Variants in IRF7 observed in about 807,000 individuals in gnomAD.
The protein encoded by IRF7 is interferon regulatory factor 7.
IRF7 carries 67 observed loss-of-function variants against 51.3 expected under a neutral mutation model. The ratio of observed to expected loss-of-function variants is 1.31; its 90% CI spans 1.07 to 1.60. The LOEUF (loss-of-function observed/expected upper bound fraction) is 1.60, where lower values mean the gene tolerates loss of function less well. IRF7 is among the 40% of genes most tolerant of loss of function. The probability of loss-of-function intolerance (pLI) is 0.00; values close to 1 mark genes in which losing one functional copy is unlikely to be tolerated. For synonymous variants in IRF7, 427 were observed against 301.3 expected, an observed-to-expected ratio of 1.42 and a Z score of -4.32; for missense variants, 873 against 701.5, an observed-to-expected ratio of 1.24 and a Z score of -2.76.
chr11:613,563 T>C lies in IRF7; in HGVS notation c.880A>G (p.Met294Val), dbSNP rs1388076363. 18 of 1,577,010 alleles carry C rather than the reference T, an allele frequency of 1.1e-5. No individual in the cohort carries two copies. The highest frequency in any genetic ancestry group is 1.5e-5 in the Non-Finnish European group (17 of 1,163,918). The change falls in exon 9 of 11, where the codon ATG (methionine) becomes GTG (valine). Residue 294 changes from methionine to valine, a missense_variant. Coordinates refer to ENST00000525445, the MANE Select transcript of IRF7 (RefSeq NM_001572.5). Reference protein sequence around the residue: ...PSPGALDVTIMYKGRTVLQKV... With the variant: ...PSPGALDVTIVYKGRTVLQKV... ...TGCAGCACCGTGCGGCCCTTGTACA[T>C]GATGGTCACGTCCAGCGCCCCTGGG...
chr11:615,127 G>C lies in IRF7; in HGVS notation c.153C>G (p.Asp51Glu). ...AGATGCGCGCGTCGGCCTCGCTCAG[G>C]TCCTTGCGCGCGAAGTGCTTCCAGG... Reference protein sequence around the residue: ...RVPWKHFARKDLSEADARIFK... With the variant: ...RVPWKHFARKELSEADARIFK... Residue 51 changes from aspartate (D) to glutamate (E), a missense_variant, in exon 3 of 11, where the codon GAC (aspartate) becomes GAG (glutamate). By Grantham distance (45) the Asp-to-Glu change is conservative. Coordinates refer to ENST00000525445, the MANE Select transcript of IRF7 (RefSeq NM_001572.5). 1 of 1,600,864 alleles carries C rather than the reference G, an allele frequency of 6.2e-7. No individual in the cohort carries two copies.
chr11:613,975 G>C lies in IRF7; in HGVS notation c.742C>G (p.Pro248Ala). The C allele has an allele frequency of 6.2e-7, 1 of 1,606,682 alleles. No homozygotes were observed. Among genetic ancestry groups the C allele is most frequent in the African/African-American group, 1.3e-5 (1 of 74,636 alleles). The change falls in exon 7 of 11, where the codon CCC (proline) becomes GCC (alanine). Residue 248 changes from proline (P) to alanine (A), a missense_variant. Coordinates refer to ENST00000525445, the MANE Select transcript of IRF7 (RefSeq NM_001572.5). ...WAVETTPSPGPQPAALTTGEA... is the reference protein window; with the variant it reads ...WAVETTPSPGAQPAALTTGEA... Reference sequence around the variant, plus strand: ...CCTGTCGTTAGTGCCGCGGGCTGGGGCCCGGGGCTGGGGGTCGTCTCTACT... The same window carrying C: ...CCTGTCGTTAGTGCCGCGGGCTGGGCCCCGGGGCTGGGGGTCGTCTCTACT...
At position 612,676 on chromosome 11, in the gene IRF7, C is replaced by A; in HGVS notation, c.1481G>T (p.Cys494Phe). Residue 494 changes from cysteine (C) to phenylalanine (F), a missense_variant, in exon 11 of 11, where the codon TGC (cysteine) becomes TTC (phenylalanine). Cys to Phe is a radical substitution (Grantham distance 205, BLOSUM62 -2). Transcript: ENST00000525445. ...GGGCTGCTCCAGCTCCATAAGGAAG[C>A]ACTCGATGTCGTCATAGAGGCTGTT... ...SANSLYDDIE[C>F]FLMELEQPA 1 of 1,613,254 alleles carries A rather than the reference C, an allele frequency of 6.2e-7. No homozygotes were observed. Among genetic ancestry groups the A allele is most frequent in the Non-Finnish European group, 8.5e-7 (1 of 1,180,006 alleles).
At chr11:612,846 TCCCCTC>T (rs752772783) in intron 10 of IRF7, 46 bp from the exon 11 acceptor site, 3 of 1,592,686 alleles carry the variant, frequency 1.9e-6, no homozygotes, top group Non-Finnish European at 2.6e-6. Context: ...GCGTGTGTCC[TCCCCTC>T]CCCCTCCCCA....
rs1226109716 is a variant in IRF7 at position 613,572 on chromosome 11, C to T, written c.871G>A (p.Val291Met). 2 of 1,572,180 alleles carry T rather than the reference C, an allele frequency of 1.3e-6. No individual in the cohort carries two copies. Among genetic ancestry groups the T allele is most frequent in the Non-Finnish European group, 8.6e-7 (1 of 1,162,026 alleles). ...GTGCGGCCCTTGTACATGATGGTCA[C>T]GTCCAGCGCCCCTGGGCTGGGCTCT... is the stretch of plus-strand genomic sequence containing the variant. ...VQEPSPGALD[V>M]TIMYKGRTVL... The change falls in exon 9 of 11, where the codon GTG becomes ATG. Residue 291 changes from valine (V) to methionine (M), a missense_variant. Coordinates refer to ENST00000525445, the MANE Select transcript of IRF7 (RefSeq NM_001572.5).
rs140667782 is a variant in IRF7 at position 614,524 on chromosome 11, G to A, written c.405C>T (p.Gly135=). Residue 135 remains glycine (G), a synonymous_variant, in exon 5 of 11, where the codon GGC becomes GGT. Transcript: ENST00000525445. The stretch of plus-strand genomic sequence containing the variant: ...GGGCCTCTGCCTCAGTCTGGTCCGT[G>A]CCTGGGCCTTCTGAGAGAGAATGGG... ...SRELCWREGP[G]TDQTEAEAPA... is the part of the protein sequence containing the mutation. The A allele has an allele frequency of 3.5e-5, 54 of 1,554,466 alleles. No homozygotes were observed. The highest frequency in any genetic ancestry group is 2.3e-4 in the African/African-American group (17 of 73,330).
intron 4 of IRF7, 92 bp downstream of exon 4, chr11:614,705 C>G (rs1856716303): frequency 1.4e-6 from 2 of 1,436,088 alleles, no homozygotes; most frequent in African/African-American, 2.8e-5. Flanking sequence ...TCTCCCAGAA[C>G]AGCTTCTAAA....
rs947676319 is a variant in IRF7, at chr11:615,652, G to A, written c.-283-5C>T. ...CGGGAAGGCGCAGGCCGGACCCTGCGGAGACGGGAAAGGCGACGTCAGGGG... is the reference window on the plus strand; with the variant it reads ...CGGGAAGGCGCAGGCCGGACCCTGCAGAGACGGGAAAGGCGACGTCAGGGG... On this transcript the variant is annotated splice_region_variant and splice_polypyrimidine_tract_variant and intron_variant, in intron 1 of 10. Coordinates refer to ENST00000525445, the MANE Select transcript of IRF7 (RefSeq NM_001572.5). 1.7e-5 allele frequency: 7 copies of A among 402,640 alleles called. No individual in the cohort carries two copies. The East Asian group carries it at 1.8e-4, about 10-fold the overall frequency. The allele number at this position is 402,640 out of a possible 1,614,324, so 24.9% of individuals were successfully genotyped here.
intron 4 of IRF7, 109 bp downstream of exon 4, chr11:614,688 G>A: frequency 1.4e-6 from 2 of 1,396,280 alleles, no homozygotes; most frequent in South Asian, 1.4e-5. Context: ...TGGGCCTGCT[G>A]GCAGCCTCTC....
chr11:613,519 C>T lies in IRF7; in HGVS notation c.924G>A (p.Pro308=). The change falls in exon 9 of 11, where the codon CCG becomes CCA. Residue 308 remains proline, a synonymous_variant. Transcript: ENST00000525445. ...RTVLQKVVGH[P]SCTFLYGPPD... ...GGGGGCCGTATAGGAACGTGCAGCTCGGGTGTCCCACCACCTTCTGCAGCA... is the reference window on the plus strand; with the variant it reads ...GGGGGCCGTATAGGAACGTGCAGCTTGGGTGTCCCACCACCTTCTGCAGCA... 2.6e-6 allele frequency: 4 copies of T among 1,563,100 alleles called. No individual in the cohort carries two copies. The highest frequency in any genetic ancestry group is 2.6e-6 in the Non-Finnish European group (3 of 1,156,894).
At chr11:612,924 G>C (rs535695919) in intron 10 of IRF7, 75 bp downstream of exon 10, 2 of 1,581,386 alleles carry the variant, frequency 1.3e-6, no homozygotes, top group African/African-American at 2.7e-5. Context: ...CCCCCTCTCC[G>C]AGGCTCTGAG....
At chr11:614,095 TC>T (rs1856661122) in intron 6 of IRF7, 58 bp from the exon 7 acceptor site, 1 of 1,577,934 alleles carries the variant, frequency 6.3e-7, no homozygotes, top group Non-Finnish European at 8.6e-7. Context: ...AGCTCCCCAA[TC>T]CCCAGCCCCC....
Position 613,819 on chromosome 11 carries a change from C to A in IRF7, c.813G>T (p.Leu271=). 1 of 1,579,778 alleles carries A rather than the reference C, an allele frequency of 6.3e-7. No homozygotes were observed. Among genetic ancestry groups the A allele is most frequent in the African/African-American group, 1.4e-5 (1 of 73,242 alleles). Residue 271 remains leucine, a synonymous_variant, in exon 8 of 11, where the codon CTG becomes CTT. Coordinates refer to ENST00000525445, the MANE Select transcript of IRF7 (RefSeq NM_001572.5). ...CGGTGCAGGCGCTTGGGGAGGGTGA[C>A]AGGTACGGCTCTGCCTGGTGCGGGG... ...PESPHQAEPY[L]SPSPSACTAV...
Position 612,735 on chromosome 11 carries a change from A to C in IRF7, c.1422T>G (p.Asp474Glu), listed in dbSNP as rs763008327. 3.1e-6 allele frequency: 5 copies of C among 1,612,694 alleles called. No individual in the cohort carries two copies. Among genetic ancestry groups the C allele is most frequent in the Middle Eastern group, 1.6e-4 (1 of 6,078 alleles). ...ACAGGCAGAGGCTGAGGCTGCTGCT[A>C]TCCAGGGAAGACACACCCTCACGCT... ...GTQREGVSSL[D>E]SSSLSLCLSS... The change falls in exon 11 of 11, where the codon GAT becomes GAG. Residue 474 changes from aspartate to glutamate, a missense_variant. By Grantham distance (45) the Asp-to-Glu change is conservative. Transcript: ENST00000525445.
Position 614,154 on chromosome 11 carries a change from C to A in IRF7, c.679+20G>T, listed in dbSNP as rs770376936. The A allele has an allele frequency of 4.4e-6, 7 of 1,606,834 alleles. No homozygotes were observed. Among genetic ancestry groups the A allele is most frequent in the South Asian group, 2.2e-5 (2 of 90,420 alleles). On this transcript the variant is annotated intron_variant, in intron 6 of 10. Transcript: ENST00000525445. The stretch of plus-strand genomic sequence containing the variant: ...CACTGGCCCCTCCCGCGCTCCCCCC[C>A]TCCCCGGGCACGCCCACACCTCCAG...
chr11:612,882 G>A (rs1381436797), intron 10 of IRF7, 82 bp from the exon 11 acceptor site: 40 of 1,590,138 alleles, frequency 2.5e-5, no homozygotes, highest in South Asian at 4.5e-5. Flanking sequence ...GGCGTCGGGC[G>A]TCTGTCAGTG....
intron 6 of IRF7, 49 bp from the exon 7 acceptor site, chr11:614,086 G>A (rs765720823): frequency 6.3e-7 from 1 of 1,581,140 alleles, no homozygotes; most frequent in East Asian, 2.3e-5. Flanking sequence ...TAATTCTCCA[G>A]CTCCCCAATC....
chr11:614,426 AAGC>A (rs1373994842), intron 5 of IRF7, 27 bp from the exon 6 acceptor site: 1 of 1,587,586 alleles, frequency 6.3e-7, no homozygotes, highest in Non-Finnish European at 8.6e-7. Context: ...GGGTGAACGT[AAGC>A]AGCTCCGCGG....
Position 613,220 on chromosome 11 carries a change from CTG to C in IRF7, c.1221_1222del (p.Phe407LeufsTer61), listed in dbSNP as rs1277018042. On this transcript the variant is annotated frameshift_variant, in exon 9 of 11. Transcript: ENST00000525445. LOFTEE classifies it high-confidence loss of function. ...GCCTCACTGACCTTGGAAGAAGACT[CTG>C]AAGTCGAAGATGGGGGTGTCACAGT... 23 of 1,589,806 alleles carry C rather than the reference CTG, an allele frequency of 1.4e-5. No individual in the cohort carries two copies. The highest frequency in any genetic ancestry group is 1.9e-5 in the Non-Finnish European group (22 of 1,167,454).
Sources: allele counts gnomAD v4.1 joint callset, GRCh38; gene constraint gnomAD v4.1.1; transcripts MANE v1.5; gene names NCBI Gene and HGNC (gene_info 2026-07-23, HGNC 2026-07-21).